The following SORBS2 variants were observed in gnomAD, a reference collection of about 807,000 sequenced individuals.
The protein encoded by SORBS2 is sorbin and SH3 domain-containing protein 2.
SORBS2 carries 46 observed loss-of-function variants against 97.7 expected under a neutral mutation model. That is an observed-to-expected ratio of 0.47 (90% confidence interval 0.37 to 0.60). SORBS2 has a LOEUF of 0.60. SORBS2 is among the 20% of genes least tolerant of loss of function. SORBS2 has a pLI of 0.00. For missense variants in SORBS2, 1,316 were observed against 1,282.3 expected (o/e 1.03, Z -0.40); for synonymous variants, 476 against 473.4 (o/e 1.01, Z -0.07).
intron 4 of SORBS2, among the ~76,000 whole-genome samples, chr4:185,641,463 T>C (rs1427233761): frequency 6.6e-6 from 1 of 152,164 alleles, no homozygotes; most frequent in African/African-American, 2.4e-5. Context: ...AAATGTCCTA[T>C]GGTGACCTGG....
At chr4:185,624,565 G>T (rs13119106) in intron 6 of SORBS2, 71 bp from the exon 19 acceptor site, 403,999 of 1,476,114 alleles carry the variant, frequency 0.27, 58,022 homozygotes, top group Non-Finnish European at 0.3. Flanking sequence ...AGAGAGGAGA[G>T]CATGTCAGTA....
At chr4:185,762,312 T>C (rs2098900139) in intron 2 of SORBS2, among the ~76,000 whole-genome samples, 1 of 152,134 alleles carries the variant, frequency 6.6e-6, no homozygotes, top group African/African-American at 2.4e-5. Context: ...TTTGAGGTAC[T>C]CAGAAGACAT....
At chr4:185,696,036 C>T (rs79783090) in intron 2 of SORBS2, among the ~76,000 whole-genome samples, 25,082 of 152,180 alleles carry the variant, frequency 0.16, 2,475 homozygotes, top group Middle Eastern at 0.22. Flanking sequence ...GCCGAATTAC[C>T]CGCGGCATCT....
At chr4:185,775,981 A>G (rs2153629861) in intron 1 of SORBS2, 1 of 152,364 alleles carries the variant, frequency 6.6e-6, no homozygotes, top group African/African-American at 2.4e-5. Flanking sequence ...CATGAGGCAG[A>G]CAAACAGTGA....
upstream of SORBS2, chr4:185,657,732 T>G (rs577022605): frequency 1.4e-4 from 109 of 798,634 alleles, no homozygotes; most frequent in Non-Finnish European, 2.0e-4. Flanking sequence ...CTCATTTACT[T>G]TCCATCTGAG....
chr4:185,856,905 C>T (rs2099220844), intron 1 of SORBS2, among the ~76,000 whole-genome samples: 1 of 152,132 alleles, frequency 6.6e-6, no homozygotes, highest in African/African-American at 2.4e-5. Flanking sequence ...GAGTACCACA[C>T]TGAAATCATC....
chr4:185,630,761 C>T (rs905334135), intron 4 of SORBS2, among the ~76,000 whole-genome samples, 163 bp from the exon 17 acceptor site: 8 of 152,128 alleles, frequency 5.3e-5, no homozygotes, highest in African/African-American at 9.7e-5. Flanking sequence ...AGAGATCATG[C>T]GACCTGATTT....
chr4:185,669,308 T>C (rs951630021), intron 4 of SORBS2, among the ~76,000 whole-genome samples: 3 of 152,218 alleles, frequency 2.0e-5, no homozygotes, highest in Non-Finnish European at 4.4e-5. Context: ...GCGGAAGTCA[T>C]GTTCCCCCTC....
chr4:185,642,422 A>C (rs1360605980), intron 4 of SORBS2, among the ~76,000 whole-genome samples: 1 of 151,964 alleles, frequency 6.6e-6, no homozygotes, highest in African/African-American at 2.4e-5. Context: ...TTTTAAATTT[A>C]ACATTACTCA....
At chr4:185,591,127 T>G (rs1426872089) in intron 13 of SORBS2, among the ~76,000 whole-genome samples, 4 of 152,202 alleles carry the variant, frequency 2.6e-5, no homozygotes, top group African/African-American at 9.7e-5. Flanking sequence ...TAAGCAACAG[T>G]GACCTACTGG....
chr4:185,773,075 C>T (rs995557453), intron 2 of SORBS2: 1 of 151,068 alleles, frequency 6.6e-6, no homozygotes, highest in Admixed American at 6.6e-5. Flanking sequence ...CAAAACAAAA[C>T]AGGGGGAAAA....
At chr4:185,668,048 T>G (rs1304862000) in intron 4 of SORBS2, among the ~76,000 whole-genome samples, 1 of 152,108 alleles carries the variant, frequency 6.6e-6, no homozygotes, top group Admixed American at 6.5e-5. Flanking sequence ...TTATGCTAAA[T>G]GAAAACTATG....
chr4:185,828,634 C>CCATG lies in SORBS2; in HGVS notation c.-337-53272_-337-53269dup, dbSNP rs557910284. ...GCTTAACCTCAGGGAAGGCAGGGAA[C>CCATG]CATGGCTCGCCCACCGATCACAGCA... On this transcript the variant is annotated intron_variant, in intron 1 of 20. Coordinates refer to the SORBS2 transcript ENST00000284776. Among the ~76,000 whole-genome samples the CCATG allele has an allele frequency of 2.6e-5, 4 of 152,088 alleles. No homozygotes were observed. In the East Asian group the frequency reaches 7.7e-4, roughly 29 times the overall value.
intron 1 of SORBS2, among the ~76,000 whole-genome samples, chr4:185,801,294 G>T (rs2099129310): frequency 6.6e-6 from 1 of 152,160 alleles, no homozygotes; most frequent in African/African-American, 2.4e-5. Flanking sequence ...CAGGTCCTTA[G>T]GTTGTTTCCA....
chr4:185,741,477 C>T (rs2098726597), intron 2 of SORBS2, among the ~76,000 whole-genome samples: 2 of 138,502 alleles, frequency 1.4e-5, no homozygotes, highest in South Asian at 4.5e-4. Flanking sequence ...GATCTCGGCT[C>T]ACTGCAACCT....
intron 2 of SORBS2, among the ~76,000 whole-genome samples, chr4:185,696,234 A>G (rs2098173513): frequency 6.6e-6 from 1 of 152,228 alleles, no homozygotes; most frequent in African/African-American, 2.4e-5. Context: ...AAAAAAGAGC[A>G]CTATATGTCT....
At chr4:185,797,783 C>T (rs1042531944) in intron 1 of SORBS2, among the ~76,000 whole-genome samples, 4 of 152,194 alleles carry the variant, frequency 2.6e-5, no homozygotes, top group Non-Finnish European at 4.4e-5. Flanking sequence ...CACCACCCCA[C>T]GCCCGGTTCT....
intron 1 of SORBS2, among the ~76,000 whole-genome samples, chr4:185,868,402 C>T (rs2099228494): frequency 6.6e-6 from 1 of 151,708 alleles, no homozygotes; most frequent in South Asian, 2.1e-4. Context: ...GTGATCCACC[C>T]ACCTCGGCCT....
chr4:185,838,347 G>A (rs77528481), intron 1 of SORBS2, among the ~76,000 whole-genome samples: 11,610 of 152,300 alleles, frequency 0.076, 594 homozygotes, highest in Admixed American at 0.1. Context: ...CTCCCCTGGG[G>A]GCTTGGGCAG....
Sources: gnomAD v4.1 joint callset for allele counts (sites outside exome capture counted in the v4.1 genomes callset) on GRCh38, gnomAD v4.1.1 for gene constraint, MANE v1.5 for transcripts, NCBI Gene and HGNC (gene_info 2026-07-23, HGNC 2026-07-21) for gene names.